KCNJ4: variants seen among roughly 807,000 people sequenced by gnomAD.
KCNJ4 encodes the protein inward rectifier potassium channel 4.
KCNJ4 carries 3 observed loss-of-function variants against 25.6 expected under a neutral mutation model. The ratio of observed to expected loss-of-function variants is 0.12; its 90% CI spans 0.05 to 0.30. The LOEUF is 0.30. Ranked by LOEUF, KCNJ4 falls within the 10% of genes least tolerant of loss-of-function variation. KCNJ4 has a pLI of 1.00. For synonymous variants in KCNJ4, 257 were observed against 283.9 expected (o/e 0.91, Z 0.95); for missense variants, 286 against 666.8 (o/e 0.43, Z 6.29).
chr22:38,453,495 T>G (rs999526304), intron 1 of KCNJ4, among the ~76,000 whole-genome samples: 5 of 152,146 alleles, frequency 3.3e-5, no homozygotes, highest in African/African-American at 4.8e-5. Context: ...TTCCGCCATA[T>G]TCCCACTGCC....
chr22:38,441,867 C>T (rs969778170), intron 1 of KCNJ4, among the ~76,000 whole-genome samples: 8 of 152,336 alleles, frequency 5.3e-5, no homozygotes, highest in African/African-American at 1.9e-4. Flanking sequence ...TGGCACAGCA[C>T]ACAGACAGAA....
At position 38,426,694 on chromosome 22, in the gene KCNJ4, G is replaced by A. The variant is rs1212194632; in HGVS notation, c.*101C>T. The A allele has an allele frequency of 1.2e-5, 17 of 1,409,064 alleles. No individual in the cohort carries two copies. The highest frequency in any genetic ancestry group is 9.1e-5 in the Admixed American group (4 of 44,004). The allele number at this position is 1,409,064 out of a possible 1,614,324, so 87.3% of individuals were successfully genotyped here. ...CCCCACCTTCCTCCAGAAGGTCCAC[G>A]GAGCCAGGGTTGGCTCTGTCCTGAG... On this transcript the variant is annotated 3_prime_UTR_variant, in exon 2 of 2. Transcript: ENST00000303592.
Position 38,427,050 on chromosome 22 carries a change from C to T in KCNJ4, c.1083G>A (p.Leu361=). 2 of 1,612,568 alleles carry T rather than the reference C, an allele frequency of 1.2e-6. No individual in the cohort carries two copies. The highest frequency in any genetic ancestry group is 1.7e-6 in the Non-Finnish European group (2 of 1,179,906). ...RELQESKITV[L]PAPPPPPSAF... ...CACTGGGAGGGGGCGGTGGGGCGGG[C>T]AGCACGGTGATCTTACTCTCCTGCA... The change falls in exon 2 of 2, where the codon CTG becomes CTA. Residue 361 remains leucine (L), a synonymous_variant. Transcript: ENST00000303592.
chr22:38,439,906 C>T (rs1260951875), intron 1 of KCNJ4, among the ~76,000 whole-genome samples: 62 of 149,698 alleles, frequency 4.1e-4, no homozygotes, highest in South Asian at 2.1e-4. Flanking sequence ...TTGGCTAACA[C>T]GGTGAAACCC....
rs1032611724 is a variant in KCNJ4 at position 38,431,767 on chromosome 22, C to T, written c.-39-3596G>A. Among the ~76,000 whole-genome samples the T allele has an allele frequency of 5.3e-5, 8 of 152,166 alleles. No individual in the cohort carries two copies. The South Asian group carries it at 1.2e-3, about 24-fold the overall frequency. On this transcript the variant is annotated intron_variant, in intron 1 of 1. Transcript: ENST00000303592. ...TTCAGCTGCTAATTCGAGGCTGACCCGTGCAAGGCCTGGCCAAAAAGTGAA... is the reference window on the plus strand; with the variant it reads ...TTCAGCTGCTAATTCGAGGCTGACCTGTGCAAGGCCTGGCCAAAAAGTGAA...
intron 1 of KCNJ4, among the ~76,000 whole-genome samples, chr22:38,447,482 G>A (rs111466572): frequency 1.3e-5 from 2 of 152,092 alleles, no homozygotes; most frequent in African/African-American, 2.4e-5. Flanking sequence ...CCCTAATTGC[G>A]GACCCCATCC....
At chr22:38,442,739 C>T (rs185098738) in intron 1 of KCNJ4, among the ~76,000 whole-genome samples, 1 of 151,984 alleles carries the variant, frequency 6.6e-6, no homozygotes, top group African/African-American at 2.4e-5. Context: ...AGTGCAGAAG[C>T]CTTTCTTTCT....
In KCNJ4 at chr22:38,455,179, C is replaced by G. The variant is rs1345810486; in HGVS notation, c.-239G>C. ...TGGGTCTTGGGGTCTCCGCGCGTCC[C>G]GGCCGTCCCGCGCCGCTCCCCGCGG... On this transcript the variant is annotated 5_prime_UTR_variant, in exon 1 of 2. Transcript: ENST00000303592. The G allele has an allele frequency of 2.0e-5, 3 of 148,492 alleles. No homozygotes were observed. The highest frequency in any genetic ancestry group is 2.0e-4 in the Admixed American group (3 of 14,966). 9.2% of individuals were successfully genotyped at this position (148,492 alleles called of 1,614,324 possible). A position where few individuals can be genotyped will look rare whatever the true frequency, so the allele number is the denominator to read the frequency against.
At chr22:38,430,097 C>T (rs2093045145) in intron 1 of KCNJ4, among the ~76,000 whole-genome samples, 1 of 151,468 alleles carries the variant, frequency 6.6e-6, no homozygotes, top group Non-Finnish European at 1.5e-5. Context: ...TCTCCCTATT[C>T]CCCTGGTTCT....
At chr22:38,428,425 C>T (rs2093039610) in intron 1 of KCNJ4, among the ~76,000 whole-genome samples, 1 of 152,238 alleles carries the variant, frequency 6.6e-6, no homozygotes, top group African/African-American at 2.4e-5. Flanking sequence ...GATCCAGGTC[C>T]TAGTCCCTGC....
At chr22:38,428,714 C>T (rs2093040345) in intron 1 of KCNJ4, among the ~76,000 whole-genome samples, 1 of 152,196 alleles carries the variant, frequency 6.6e-6, no homozygotes, top group Non-Finnish European at 1.5e-5. Flanking sequence ...GCATGAGCCA[C>T]ATTTCAAGTG....
chr22:38,438,877 C>A (rs892141799), intron 1 of KCNJ4, among the ~76,000 whole-genome samples: 29 of 152,160 alleles, frequency 1.9e-4, no homozygotes, highest in Admixed American at 3.3e-4. Context: ...GGCTGGCGGG[C>A]TGTCAGGCTT....
At chr22:38,432,419 C>T (rs963158236) in intron 1 of KCNJ4, among the ~76,000 whole-genome samples, 2 of 152,080 alleles carry the variant, frequency 1.3e-5, no homozygotes, top group African/African-American at 2.4e-5. Flanking sequence ...TAGAAGAATG[C>T]AGTTTGAGGC....
chr22:38,430,329 C>G (rs1482040823), intron 1 of KCNJ4, among the ~76,000 whole-genome samples: 1 of 152,130 alleles, frequency 6.6e-6, no homozygotes, highest in Non-Finnish European at 1.5e-5. Context: ...ATGAAGAAAC[C>G]CCGTCTCTAC....
At chr22:38,438,746 G>T (rs1241773969) in intron 1 of KCNJ4, among the ~76,000 whole-genome samples, 3 of 152,092 alleles carry the variant, frequency 2.0e-5, no homozygotes, top group Non-Finnish European at 4.4e-5. Flanking sequence ...AAAAGTCTGA[G>T]TCTGGTGTTG....
At chr22:38,444,417 C>G in intron 1 of KCNJ4, among the ~76,000 whole-genome samples, 1 of 152,222 alleles carries the variant, frequency 6.6e-6, no homozygotes, top group East Asian at 1.9e-4. Flanking sequence ...CCAGGAGACC[C>G]TCTGTGTCAC....
At chr22:38,428,638 C>T (rs780124375) in intron 1 of KCNJ4, among the ~76,000 whole-genome samples, 3 of 152,210 alleles carry the variant, frequency 2.0e-5, no homozygotes, top group African/African-American at 4.8e-5. Flanking sequence ...GCACTAGCCA[C>T]TGGCCACGTG....
chr22:38,450,244 C>T (rs1034538792), intron 1 of KCNJ4, among the ~76,000 whole-genome samples: 10 of 152,126 alleles, frequency 6.6e-5, no homozygotes, highest in African/African-American at 1.2e-4. Context: ...CTAGGATTCC[C>T]GCCTGCCCCT....
chr22:38,454,301 G>A (rs890079651), intron 1 of KCNJ4, among the ~76,000 whole-genome samples: 1 of 152,130 alleles, frequency 6.6e-6, no homozygotes, highest in Non-Finnish European at 1.5e-5. Context: ...TGTGGGTAGG[G>A]GGCAGGGAGG....
Sources: allele counts gnomAD v4.1 joint callset (sites outside exome capture counted in the v4.1 genomes callset), GRCh38; gene constraint gnomAD v4.1.1; transcripts MANE v1.5; gene names NCBI Gene and HGNC (gene_info 2026-07-23, HGNC 2026-07-21).